TRAPPC11: variants seen among roughly 807,000 people sequenced by gnomAD.
TRAPPC11 encodes trafficking protein particle complex subunit 11.
TRAPPC11 carries 104 observed loss-of-function variants against 151.2 expected under a neutral mutation model. The ratio of observed to expected loss-of-function variants is 0.69; its 90% CI spans 0.59 to 0.81. The LOEUF (loss-of-function observed/expected upper bound fraction) is 0.81, where lower values mean the gene tolerates loss of function less well. Ranked by LOEUF, TRAPPC11 falls within the 30% of genes least tolerant of loss-of-function variation. The probability of loss-of-function intolerance (pLI) is 0.00; values close to 1 mark genes in which losing one functional copy is unlikely to be tolerated. For synonymous variants in TRAPPC11, 456 were observed against 472.3 expected, an observed-to-expected ratio of 0.97 and a Z score of 0.45; for missense variants, 1,230 against 1,349.6, an observed-to-expected ratio of 0.91 and a Z score of 1.39.
At chr4:183,666,634 G>A (rs1216129884) in intron 3 of TRAPPC11, among the ~76,000 whole-genome samples, 1 of 152,156 alleles carries the variant, frequency 6.6e-6, no homozygotes, top group African/African-American at 2.4e-5. Context: ...AGACTAATTG[G>A]TCTGAATTTC....
At position 183,694,656 on chromosome 4, in the gene TRAPPC11, T is replaced by C; in HGVS notation, c.2561T>C (p.Leu854Pro). ...GGAACAGTGGGTTCCAGAATGTTTCTTGTATATGTTTCTTACCTGATAAAT... is the reference window on the plus strand; with the variant it reads ...GGAACAGTGGGTTCCAGAATGTTTCCTGTATATGTTTCTTACCTGATAAAT... ...RCGTVGSRMF[L>P]VYVSYLINTT... The change falls in exon 23 of 30, where the codon CTT (leucine) becomes CCT (proline). Residue 854 changes from leucine (L) to proline (P), a missense_variant. Transcript: ENST00000334690. 6.2e-7 allele frequency: 1 copy of C among 1,612,416 alleles called. No homozygotes were observed. The highest frequency in any genetic ancestry group is 8.5e-7 in the Non-Finnish European group (1 of 1,179,502).
At chr4:183,692,024 T>C (rs1376393909) in intron 19 of TRAPPC11, among the ~76,000 whole-genome samples, 1 of 152,162 alleles carries the variant, frequency 6.6e-6, no homozygotes, top group Non-Finnish European at 1.5e-5. Flanking sequence ...GGAGCCAAAC[T>C]GTATGGGTTT....
At position 183,693,492 on chromosome 4, in the gene TRAPPC11, C is replaced by T. The variant is rs1330111640; in HGVS notation, c.2238-97C>T. On this transcript the variant is annotated intron_variant, in intron 20 of 29. Coordinates refer to ENST00000334690, the MANE Select transcript of TRAPPC11 (RefSeq NM_021942.6). ...AAATGCTGGGATTACAGGCCTGAGCCTCTGCACCCAGCCTCTTATTTCTTT... is the reference window on the plus strand; with the variant it reads ...AAATGCTGGGATTACAGGCCTGAGCTTCTGCACCCAGCCTCTTATTTCTTT... 3 of 1,343,988 alleles carry T rather than the reference C, an allele frequency of 2.2e-6. No homozygotes were observed. In the African/African-American group the frequency reaches 4.5e-5, roughly 20 times the overall value. The allele number at this position is 1,343,988 out of a possible 1,614,324, so 83.3% of individuals were successfully genotyped here.
At chr4:183,662,669 C>G (rs1224860827) in intron 1 of TRAPPC11, among the ~76,000 whole-genome samples, 2 of 151,910 alleles carry the variant, frequency 1.3e-5, no homozygotes, top group African/African-American at 4.8e-5. Flanking sequence ...TTAATAATAT[C>G]CTAGGTATTC....
intron 29 of TRAPPC11, among the ~76,000 whole-genome samples, chr4:183,710,531 C>T (rs1737291576): frequency 6.6e-6 from 1 of 151,466 alleles, no homozygotes; most frequent in Admixed American, 6.6e-5. Context: ...CGTGATCCTC[C>T]CGCCTCGGCC....
Position 183,701,769 on chromosome 4 carries a change from G to T in TRAPPC11, c.2924G>T (p.Gly975Val), listed in dbSNP as rs761073315. The T allele has an allele frequency of 6.2e-7, 1 of 1,613,920 alleles. No individual in the cohort carries two copies. The highest frequency in any genetic ancestry group is 1.7e-5 in the Admixed American group (1 of 60,014). The change falls in exon 26 of 30, where the codon GGT (glycine) becomes GTT (valine). Residue 975 changes from glycine to valine, a missense_variant. Physicochemically the swap from Gly to Val is moderately radical, Grantham distance 109. Transcript: ENST00000334690. ...LQCPSLGNIEGGVATGHYIIS... is the reference protein window; with the variant it reads ...LQCPSLGNIEVGVATGHYIIS... ...TGCCCATCTCTTGGAAATATTGAAG[G>T]TGGAGTAGCAACCGGGCATTATATT...
chr4:183,666,532 T>G (rs1734893718), intron 3 of TRAPPC11, 106 bp downstream of exon 3: 1 of 1,147,342 alleles, frequency 8.7e-7, no homozygotes, highest in Admixed American at 2.5e-5. Flanking sequence ...GTGGTCACTT[T>G]GCGGATTGAC....
At chr4:183,701,379 G>C (rs551845181) in intron 25 of TRAPPC11, 8 of 195,702 alleles carry the variant, frequency 4.1e-5, no homozygotes, top group Non-Finnish European at 8.3e-5. Flanking sequence ...AAATAATTTG[G>C]AAAAAGAAAA....
chr4:183,707,005 C>T, intron 28 of TRAPPC11, 65 bp downstream of exon 28: 1 of 1,564,358 alleles, frequency 6.4e-7, no homozygotes, highest in Admixed American at 1.8e-5. Context: ...GAGAGCTGTA[C>T]CTTTAGTTTT....
intron 4 of TRAPPC11, among the ~76,000 whole-genome samples, chr4:183,667,754 G>T (rs1301574684): frequency 6.6e-6 from 1 of 152,150 alleles, no homozygotes; most frequent in Non-Finnish European, 1.5e-5. Context: ...TGGTATATCT[G>T]TTGGCATTAC....
chr4:183,711,464 G>C (rs978212193), intron 29 of TRAPPC11, among the ~76,000 whole-genome samples: 1 of 152,086 alleles, frequency 6.6e-6, no homozygotes, highest in African/African-American at 2.4e-5. Context: ...GCTTGTAAAA[G>C]CTACATTTGG....
At chr4:183,705,102 G>T (rs751575511) in intron 27 of TRAPPC11, 32 bp downstream of exon 27, 1 of 1,393,484 alleles carries the variant, frequency 7.2e-7, no homozygotes, top group Non-Finnish European at 1.0e-6. Context: ...TTGATAAGAA[G>T]GACCCAATAA....
rs1442023314 is a variant in TRAPPC11 at position 183,683,955 on chromosome 4, T to C, written c.1208-20T>C. 6.3e-7 allele frequency: 1 copy of C among 1,597,754 alleles called. No individual in the cohort carries two copies. Among genetic ancestry groups the C allele is most frequent in the East Asian group, 2.2e-5 (1 of 44,770 alleles). On this transcript the variant is annotated intron_variant, in intron 11 of 29. Coordinates refer to ENST00000334690, the MANE Select transcript of TRAPPC11 (RefSeq NM_021942.6). ...TATTAAATGAGCTGTCTAAAATGAG[T>C]TGTGTCTCATCTTACGCAGGTTTTG...
intron 10 of TRAPPC11, among the ~76,000 whole-genome samples, chr4:183,681,006 CTCTTAAGAG>C (rs138464063): frequency 0.015 from 2,328 of 151,986 alleles, 66 homozygotes; most frequent in African/African-American, 0.053. Flanking sequence ...TGTGTAGAGA[CTCTTAAGAG>C]TCTGTTTGAG....
intron 23 of TRAPPC11, among the ~76,000 whole-genome samples, chr4:183,696,745 G>A (rs1736558556): frequency 6.6e-6 from 1 of 152,166 alleles, no homozygotes; most frequent in Admixed American, 6.5e-5. Flanking sequence ...TAGCATGTTG[G>A]TTAAGAGTGT....
chr4:183,708,504 A>G lies in TRAPPC11; in HGVS notation c.3287A>G (p.Asn1096Ser), dbSNP rs780713557. 3.1e-6 allele frequency: 5 copies of G among 1,614,130 alleles called. No homozygotes were observed. In the African/African-American group the frequency reaches 4.0e-5, roughly 13 times the overall value. Residue 1096 changes from asparagine to serine, a missense_variant, in exon 29 of 30, where the codon AAC becomes AGC. Physicochemically the swap from Asn to Ser is conservative, Grantham distance 46 (BLOSUM62 1). Transcript: ENST00000334690. ...GYQQLPSLNI[N>S]LLRFPNFTNQ... Reference sequence around the variant, plus strand: ...CAGCAGCTGCCATCTCTCAACATCAACTTGCTTAGATTTCCTAACTTCACA... The same window carrying G: ...CAGCAGCTGCCATCTCTCAACATCAGCTTGCTTAGATTTCCTAACTTCACA...
intron 8 of TRAPPC11, 73 bp downstream of exon 8, chr4:183,677,627 A>G (rs1735479285): frequency 1.1e-6 from 1 of 889,044 alleles, no homozygotes; most frequent in Admixed American, 2.1e-5. Context: ...TTTGAACATC[A>G]AAATTAATTT....
chr4:183,695,950 C>G (rs902152451), intron 23 of TRAPPC11, among the ~76,000 whole-genome samples: 3 of 152,084 alleles, frequency 2.0e-5, no homozygotes, highest in Admixed American at 6.5e-5. Context: ...TTCTAACAAG[C>G]CTGTGAGGAT....
At chr4:183,670,160 C>T (rs1261417488) in intron 5 of TRAPPC11, among the ~76,000 whole-genome samples, 1 of 152,224 alleles carries the variant, frequency 6.6e-6, no homozygotes, top group African/African-American at 2.4e-5. Flanking sequence ...TGATGGCACA[C>T]TTACTCCTGT....
Sources: allele counts gnomAD v4.1 joint callset (sites outside exome capture counted in the v4.1 genomes callset), GRCh38; gene constraint gnomAD v4.1.1; transcripts MANE v1.5; gene names NCBI Gene and HGNC (gene_info 2026-07-23, HGNC 2026-07-21).